The following WDHD1 variants were observed in gnomAD, a reference collection of about 807,000 sequenced individuals.
WDHD1 encodes WD repeat and HMG-box DNA binding protein 1.
WDHD1 carries 111 observed loss-of-function variants against 135.4 expected under a neutral mutation model. The ratio of observed to expected loss-of-function variants is 0.82; its 90% CI spans 0.70 to 0.96. The LOEUF (loss-of-function observed/expected upper bound fraction) is 0.96. Among genes scored for constraint, WDHD1 ranks in the 40% least tolerant of loss-of-function variants. The pLI, the probability that WDHD1 is intolerant of heterozygous loss-of-function variation, is 0.00. For missense variants in WDHD1, 1,351 were observed against 1,336.3 expected (o/e 1.01, Z -0.17); for synonymous variants, 434 against 439.0 (o/e 0.99, Z 0.14).
At chr14:55,024,721 CAG>C (rs1272646038) in intron 2 of WDHD1, among the ~76,000 whole-genome samples, 2 of 146,912 alleles carry the variant, frequency 1.4e-5, no homozygotes, top group Non-Finnish European at 3.0e-5. Flanking sequence ...TGTGTCAACT[CAG>C]AGTTAAATGG....
intron 16 of WDHD1, among the ~76,000 whole-genome samples, chr14:54,978,903 T>C (rs2041571563): frequency 6.6e-6 from 1 of 152,184 alleles, no homozygotes; most frequent in Admixed American, 6.5e-5. Flanking sequence ...TTTGTGCCTA[T>C]TTTTTTCCCT....
At chr14:54,984,986 TAACCCATCC>T in intron 14 of WDHD1, 126 bp from the exon 15 acceptor site, 1 of 1,200,586 alleles carries the variant, frequency 8.3e-7, no homozygotes, top group Non-Finnish European at 1.2e-6. Context: ...TTTTTATGAA[TAACCCATCC>T]AACTGAGGCA....
intron 24 of WDHD1, among the ~76,000 whole-genome samples, chr14:54,948,512 C>T (rs1432883269): frequency 2.0e-5 from 3 of 152,236 alleles, no homozygotes; most frequent in Non-Finnish European, 4.4e-5. Context: ...GAAACTCGAA[C>T]TGGGTGGAGC....
intron 10 of WDHD1, 62 bp downstream of exon 10, chr14:55,000,438 GTCT>G: frequency 6.9e-7 from 1 of 1,450,188 alleles, no homozygotes; most frequent in Non-Finnish European, 9.1e-7. Context: ...AGTTTGTGGT[GTCT>G]TCCAAATCCA....
chr14:54,944,406 C>A lies in WDHD1; in HGVS notation c.3115G>T (p.Asp1039Tyr). ...NRSNILSDNP[D>Y]FSDEADIIKE... ...ATTATGTCTGCTTCATCTGAAAAGT[C>A]AGGATTGTCAGACAAAATATTACTT... The change falls in exon 25 of 26, where the codon GAC (aspartate) becomes TAC (tyrosine). Residue 1039 changes from aspartate to tyrosine, a missense_variant. By Grantham distance (160) the Asp-to-Tyr change is radical. Transcript: ENST00000360586. 1 of 1,608,052 alleles carries A rather than the reference C, an allele frequency of 6.2e-7. No homozygotes were observed. The highest frequency in any genetic ancestry group is 1.3e-5 in the African/African-American group (1 of 74,666).
chr14:54,992,261 T>A (rs2140203772), intron 11 of WDHD1, among the ~76,000 whole-genome samples: 1 of 151,220 alleles, frequency 6.6e-6, no homozygotes, highest in East Asian at 2.0e-4. Context: ...GAGGCCAAGG[T>A]GGGTAGATCA....
At chr14:55,009,838 T>G (rs12589476) in intron 4 of WDHD1, among the ~76,000 whole-genome samples, 1 of 152,196 alleles carries the variant, frequency 6.6e-6, no homozygotes, top group Non-Finnish European at 1.5e-5. Flanking sequence ...TTTCTTTTTT[T>G]GAGACAGAGT....
chr14:54,964,385 A>G (rs1460984956), intron 18 of WDHD1, among the ~76,000 whole-genome samples: 2 of 152,166 alleles, frequency 1.3e-5, no homozygotes, highest in Admixed American at 6.5e-5. Context: ...TCACACCTGT[A>G]ATCCTAGCAC....
chr14:54,949,316 T>C (rs2040996278), intron 24 of WDHD1, among the ~76,000 whole-genome samples: 1 of 152,148 alleles, frequency 6.6e-6, no homozygotes, highest in African/African-American at 2.4e-5. Context: ...AATGACCTGA[T>C]GGAGCTGAAA....
chr14:55,010,645 T>C (rs2042153616), intron 3 of WDHD1, among the ~76,000 whole-genome samples, 185 bp from the exon 4 acceptor site: 1 of 152,272 alleles, frequency 6.6e-6, no homozygotes, highest in South Asian at 2.1e-4. Flanking sequence ...TTGCTAGCTT[T>C]AGAAAAATTA....
intron 24 of WDHD1, among the ~76,000 whole-genome samples, chr14:54,951,616 T>C (rs551334466): frequency 3.9e-5 from 6 of 152,154 alleles, no homozygotes; most frequent in East Asian, 1.9e-4. Flanking sequence ...TTCCAATCAA[T>C]AGAAAAAGAG....
intron 16 of WDHD1, among the ~76,000 whole-genome samples, chr14:54,981,033 C>A (rs895165769): frequency 2.0e-5 from 3 of 151,636 alleles, no homozygotes; most frequent in African/African-American, 7.3e-5. Flanking sequence ...ATGGTGTGAT[C>A]CCGTGAGGCG....
At chr14:54,945,537 C>G (rs370889586) in intron 24 of WDHD1, among the ~76,000 whole-genome samples, 1 of 152,070 alleles carries the variant, frequency 6.6e-6, no homozygotes, top group Admixed American at 6.6e-5. Context: ...CAATTTGACT[C>G]CAAAGTCTAT....
intron 11 of WDHD1, among the ~76,000 whole-genome samples, chr14:54,993,928 A>G (rs1389655470): frequency 6.6e-6 from 1 of 152,254 alleles, no homozygotes; most frequent in Non-Finnish European, 1.5e-5. Context: ...TTTAGAGTAT[A>G]AAGGCTACTG....
chr14:54,944,219 A>G (rs1265921994), intron 25 of WDHD1, 113 bp downstream of exon 25: 7 of 1,380,192 alleles, frequency 5.1e-6, no homozygotes, highest in East Asian at 5.0e-5. Context: ...CGACCTCCCA[A>G]TGTGCTAGGA....
rs1430180730 is a variant in WDHD1, at chr14:54,940,662, A to T, written c.*828T>A. 1.4e-4 allele frequency: 21 copies of T among 152,140 alleles called. No individual in the cohort carries two copies. The highest frequency in any genetic ancestry group is 2.6e-4 in the Non-Finnish European group (18 of 68,020). The allele number at this position is 152,140 out of a possible 1,614,324, so 9.4% of individuals were successfully genotyped here. A position where few individuals can be genotyped will look rare whatever the true frequency, so the allele number is the denominator to read the frequency against. Reference sequence around the variant, plus strand: ...CTTTGCTCTCTTCTCAGGCCTTCAAAGTCTTGCTCAGTAAAGTACTGTTGA... The same window carrying T: ...CTTTGCTCTCTTCTCAGGCCTTCAATGTCTTGCTCAGTAAAGTACTGTTGA... On this transcript the variant is annotated 3_prime_UTR_variant, in exon 26 of 26. Coordinates refer to ENST00000360586, the MANE Select transcript of WDHD1 (RefSeq NM_007086.4).
intron 2 of WDHD1, among the ~76,000 whole-genome samples, chr14:55,026,109 T>C (rs1384127017): frequency 6.6e-6 from 1 of 152,238 alleles, no homozygotes; most frequent in East Asian, 1.9e-4. Context: ...CTGTGTCTGG[T>C]TCGCTCTATT....
At chr14:55,013,347 G>A (rs1358323543) in intron 3 of WDHD1, 138 bp downstream of exon 3, 17 of 567,448 alleles carry the variant, frequency 3.0e-5, no homozygotes, top group East Asian at 5.8e-5. Context: ...GGCAAGTTAC[G>A]GCATTATCAT....
intron 16 of WDHD1, among the ~76,000 whole-genome samples, chr14:54,971,658 T>C (rs2041434704): frequency 1.4e-5 from 2 of 138,550 alleles, no homozygotes; most frequent in Admixed American, 8.2e-5. Context: ...CAGTGAGCCA[T>C]GATCTCATCT....
Sources: gnomAD v4.1 joint callset for allele counts (sites outside exome capture counted in the v4.1 genomes callset) on GRCh38, gnomAD v4.1.1 for gene constraint, MANE v1.5 for transcripts, NCBI Gene and HGNC (gene_info 2026-07-23, HGNC 2026-07-21) for gene names.